The following FBXO34 variants were observed in gnomAD, a reference collection of about 807,000 sequenced individuals.
FBXO34 encodes F-box protein 34, also known as F-box only protein 34.
Under a neutral mutation model 24.5 loss-of-function variants are expected in FBXO34, and 12 were observed. The ratio of observed to expected loss-of-function variants is 0.49; its 90% CI spans 0.31 to 0.79. The LOEUF (loss-of-function observed/expected upper bound fraction) is 0.79, where lower values mean the gene tolerates loss of function less well. FBXO34 is among the 30% of genes least tolerant of loss of function. The pLI, the probability that FBXO34 is intolerant of heterozygous loss-of-function variation, is 0.04. For synonymous variants in FBXO34, 320 were observed against 311.9 expected (o/e 1.03, Z -0.27); for missense variants, 823 against 857.7 (o/e 0.96, Z 0.51).
chr14:55,363,581 C>T (rs927352004), downstream of FBXO34, among the ~76,000 whole-genome samples: 1 of 151,696 alleles, frequency 6.6e-6, no homozygotes. Flanking sequence ...CACCCACCTT[C>T]GTCTCCCAAA....
At chr14:55,441,095 C>T in the FBXO34 span, among the ~76,000 whole-genome samples, 1 of 152,202 alleles carries the variant, frequency 6.6e-6, no homozygotes, top group Non-Finnish European at 1.5e-5. Context: ...ATCCACCCGC[C>T]TCGGCCTCCC....
the FBXO34 span, among the ~76,000 whole-genome samples, chr14:55,428,433 T>C: frequency 2.6e-5 from 4 of 152,152 alleles, no homozygotes; most frequent in African/African-American, 9.7e-5. Flanking sequence ...GCTACGTTTG[T>C]ATGCTTACAA....
chr14:55,355,357 A>G (rs1166455780), downstream of FBXO34: 1 of 152,148 alleles, frequency 6.6e-6, no homozygotes, highest in Non-Finnish European at 1.5e-5. Context: ...ACCCAACCCT[A>G]TGCCCCTGCT....
intron 1 of FBXO34, among the ~76,000 whole-genome samples, chr14:55,279,375 A>G (rs1340803437): frequency 6.6e-6 from 1 of 152,142 alleles, no homozygotes; most frequent in Non-Finnish European, 1.5e-5. Context: ...GGTATCTGTA[A>G]CGAAAGATCA....
chr14:55,365,959 G>T (rs1237731947), downstream of FBXO34, among the ~76,000 whole-genome samples: 1 of 152,144 alleles, frequency 6.6e-6, no homozygotes, highest in Non-Finnish European at 1.5e-5. Context: ...AAAAATAAGG[G>T]TGTTGGGTTG....
chr14:55,384,991 C>A, the FBXO34 span, among the ~76,000 whole-genome samples: 1 of 152,162 alleles, frequency 6.6e-6, no homozygotes, highest in African/African-American at 2.4e-5. Flanking sequence ...CCTGTCTGTC[C>A]CACCAGGGGT....
intron 1 of FBXO34, among the ~76,000 whole-genome samples, chr14:55,330,749 C>T (rs779384032): frequency 5.9e-5 from 9 of 152,150 alleles, no homozygotes; most frequent in Non-Finnish European, 8.8e-5. Context: ...AGTGATCACG[C>T]CACTGCACTC....
At chr14:55,409,511 T>C in the FBXO34 span, among the ~76,000 whole-genome samples, 2 of 151,980 alleles carry the variant, frequency 1.3e-5, no homozygotes, top group East Asian at 3.9e-4. Flanking sequence ...CGCATGAGGT[T>C]AGCATTTTAA....
At chr14:55,412,819 A>G in the FBXO34 span, among the ~76,000 whole-genome samples, 2 of 152,078 alleles carry the variant, frequency 1.3e-5, no homozygotes. Context: ...GGACACCACA[A>G]ACTCAAAGTG....
At chr14:55,396,527 T>G in the FBXO34 span, among the ~76,000 whole-genome samples, 1 of 152,194 alleles carries the variant, frequency 6.6e-6, no homozygotes, top group African/African-American at 2.4e-5. Flanking sequence ...TAGAGAAGCT[T>G]GGGTTACACT....
the FBXO34 span, among the ~76,000 whole-genome samples, chr14:55,440,917 G>A: frequency 6.6e-6 from 1 of 152,214 alleles, no homozygotes; most frequent in African/African-American, 2.4e-5. Flanking sequence ...TGCCATCTTG[G>A]CTCACTGCAA....
At chr14:55,389,833 TG>T in the FBXO34 span, among the ~76,000 whole-genome samples, 1 of 152,158 alleles carries the variant, frequency 6.6e-6, no homozygotes, top group African/African-American at 2.4e-5. Context: ...TTGGGGCAAA[TG>T]GGAAGTGGCT....
the FBXO34 span, chr14:55,424,014 T>C: frequency 3.4e-6 from 2 of 587,902 alleles, no homozygotes; most frequent in South Asian, 2.6e-5. Context: ...CTATGGGTGA[T>C]GTTATTCCTT....
chr14:55,380,694 C>T, the FBXO34 span: 3 of 1,584,144 alleles, frequency 1.9e-6, no homozygotes, highest in African/African-American at 2.7e-5. Context: ...TCCATGTCTG[C>T]AGTAAGAAAA....
At chr14:55,432,453 C>CACAAAAAAAA in the FBXO34 span, among the ~76,000 whole-genome samples, 79 of 112,520 alleles carry the variant, frequency 7.0e-4, no homozygotes, top group African/African-American at 2.9e-3. Context: ...ACAAAAAAAA[C>CACAAAAAAAA]ACCATAAAAT....
At chr14:55,392,357 T>C in the FBXO34 span, among the ~76,000 whole-genome samples, 2 of 151,984 alleles carry the variant, frequency 1.3e-5, no homozygotes, top group African/African-American at 2.4e-5. Context: ...TCAATAAAAA[T>C]AGGATCTATG....
At chr14:55,376,812 T>C in the FBXO34 span, among the ~76,000 whole-genome samples, 1 of 152,148 alleles carries the variant, frequency 6.6e-6, no homozygotes, top group Non-Finnish European at 1.5e-5. Flanking sequence ...ATGGACAGAC[T>C]GCTAAGAGCA....
the FBXO34 span, among the ~76,000 whole-genome samples, chr14:55,378,872 A>AT: frequency 4.0e-5 from 6 of 151,242 alleles, no homozygotes; most frequent in Non-Finnish European, 8.8e-5. Flanking sequence ...CATCCAGCTA[A>AT]TTTTTTTTTA....
chr14:55,415,732 G>A, the FBXO34 span, among the ~76,000 whole-genome samples: 4 of 152,044 alleles, frequency 2.6e-5, no homozygotes, highest in African/African-American at 4.8e-5. Context: ...TAGGCGTGGC[G>A]GTGGGCGTCT....
Sources: gnomAD v4.1 joint callset for allele counts (sites outside exome capture counted in the v4.1 genomes callset) on GRCh38, gnomAD v4.1.1 for gene constraint, MANE v1.5 for transcripts, NCBI Gene and HGNC (gene_info 2026-07-23, HGNC 2026-07-21) for gene names.